Variants in PBX1 observed in about 807,000 individuals in gnomAD.
PBX1 encodes the protein pre-B-cell leukemia transcription factor 1.
In PBX1, 6 loss-of-function variants were observed where a neutral mutation model predicts 53.4. The observed-to-expected ratio is 0.11, with a 90% CI of 0.06 to 0.22. The LOEUF (loss-of-function observed/expected upper bound fraction) is 0.22, where lower values mean the gene tolerates loss of function less well. Among genes scored for constraint, PBX1 ranks in the 10% least tolerant of loss-of-function variants. The probability of loss-of-function intolerance (pLI) is 1.00; values close to 1 mark genes in which losing one functional copy is unlikely to be tolerated. For synonymous variants in PBX1, 204 were observed against 212.3 expected (o/e 0.96, Z 0.34); for missense variants, 251 against 551.4 (o/e 0.46, Z 5.46).
At chr1:164,672,209 G>A (rs1195225409) in intron 2 of PBX1, among the ~76,000 whole-genome samples, 1 of 151,864 alleles carries the variant, frequency 6.6e-6, no homozygotes, top group Non-Finnish European at 1.5e-5. Flanking sequence ...ACCAGAGAGG[G>A]CCACTGCATG....
At chr1:164,866,493 A>G (rs1672221834) in intron 2 of PBX1, among the ~76,000 whole-genome samples, 1 of 152,254 alleles carries the variant, frequency 6.6e-6, no homozygotes, top group African/African-American at 2.4e-5. Flanking sequence ...TGTGCCAAGA[A>G]GCCATCCTTG....
At chr1:164,725,012 T>A (rs1480622612) in intron 2 of PBX1, among the ~76,000 whole-genome samples, 1 of 152,034 alleles carries the variant, frequency 6.6e-6, no homozygotes, top group East Asian at 1.9e-4. Context: ...ATGGATGCTG[T>A]GGTATCATAG....
chr1:164,669,526 A>C (rs772384090), intron 2 of PBX1, among the ~76,000 whole-genome samples: 1 of 152,052 alleles, frequency 6.6e-6, no homozygotes, highest in Non-Finnish European at 1.5e-5. Flanking sequence ...TTTTCCTTCT[A>C]CTTCCAGGAA....
chr1:164,675,319 T>A (rs1661371076), intron 2 of PBX1, among the ~76,000 whole-genome samples: 1 of 152,228 alleles, frequency 6.6e-6, no homozygotes, highest in Non-Finnish European at 1.5e-5. Flanking sequence ...TGTCTTTCCC[T>A]TACCATTCAC....
chr1:164,576,701 A>G (rs1272988713), intron 2 of PBX1: 1 of 152,198 alleles, frequency 6.6e-6, no homozygotes, highest in East Asian at 1.9e-4. Flanking sequence ...CTCTTCTCCC[A>G]AAGGGTGGTA....
intron 5 of PBX1, among the ~76,000 whole-genome samples, chr1:164,811,167 G>A (rs757315435): frequency 5.9e-5 from 9 of 152,002 alleles, no homozygotes; most frequent in East Asian, 1.9e-4. Context: ...TTCCTTCCCC[G>A]GGCAGGAATT....
intron 2 of PBX1, among the ~76,000 whole-genome samples, chr1:164,616,358 G>A (rs1240362915): frequency 6.6e-6 from 1 of 152,116 alleles, no homozygotes; most frequent in Admixed American, 6.5e-5. Flanking sequence ...CTCCTGTGAC[G>A]AGGGGTGGGA....
intron 2 of PBX1, among the ~76,000 whole-genome samples, chr1:164,635,773 G>T (rs575739782): frequency 6.6e-6 from 1 of 152,160 alleles, no homozygotes; most frequent in African/African-American, 2.4e-5. Context: ...CGTAGAGACC[G>T]GTGTCTCCTA....
Position 164,849,511 on chromosome 1 carries a change from C to G in PBX1, c.*2835C>G. Reference sequence around the variant, plus strand: ...TCCTGGGAATTCACATGAGGCCAGTCCTACAGAGAGCAAGATGCACCCCAG... The same window carrying G: ...TCCTGGGAATTCACATGAGGCCAGTGCTACAGAGAGCAAGATGCACCCCAG... On this transcript the variant is annotated 3_prime_UTR_variant, in exon 9 of 9. Coordinates refer to ENST00000420696, the MANE Select transcript of PBX1 (RefSeq NM_002585.4). The G allele has an allele frequency of 1.4e-5, 21 of 1,467,702 alleles. No individual in the cohort carries two copies. Among genetic ancestry groups the G allele is most frequent in the Non-Finnish European group, 1.9e-5 (21 of 1,092,626 alleles). 90.9% of individuals were successfully genotyped at this position (1,467,702 alleles called of 1,614,324 possible).
Position 164,560,026 on chromosome 1 carries a change from CTTTTCT to C in PBX1, c.191+17_191+22del, listed in dbSNP as rs1373611885. 2 of 1,348,540 alleles carry C rather than the reference CTTTTCT, an allele frequency of 1.5e-6. No individual in the cohort carries two copies. The highest frequency in any genetic ancestry group is 3.1e-5 in the East Asian group (1 of 32,406). 83.5% of individuals were successfully genotyped at this position (1,348,540 alleles called of 1,614,324 possible). On this transcript the variant is annotated intron_variant, in intron 1 of 8. Coordinates refer to ENST00000420696, the MANE Select transcript of PBX1 (RefSeq NM_002585.4). ...AGGCGCAGGCCAGGTGAGATGGAGG[CTTTTCT>C]TTTCCTTTCTTGGGGTTTTTTGTTT... is the stretch of plus-strand genomic sequence containing the variant.
At chr1:164,862,001 T>C (rs1303645124) in intron 2 of PBX1, among the ~76,000 whole-genome samples, 1 of 152,168 alleles carries the variant, frequency 6.6e-6, no homozygotes, top group African/African-American at 2.4e-5. Flanking sequence ...GTAACAACTT[T>C]AGCTATTCTT....
At chr1:164,652,744 G>A (rs1362460547) in intron 2 of PBX1, among the ~76,000 whole-genome samples, 1 of 152,226 alleles carries the variant, frequency 6.6e-6, no homozygotes, top group East Asian at 1.9e-4. Flanking sequence ...ACAGTTTGAA[G>A]TGTTTTGACA....
chr1:164,736,169 C>T (rs374438110), intron 2 of PBX1, among the ~76,000 whole-genome samples: 1 of 152,198 alleles, frequency 6.6e-6, no homozygotes, highest in Admixed American at 6.5e-5. Flanking sequence ...CCTCCCTTCA[C>T]CCTGACTACT....
At chr1:164,624,196 A>ATTCT (rs1314576818) in intron 2 of PBX1, among the ~76,000 whole-genome samples, 2 of 152,278 alleles carry the variant, frequency 1.3e-5, no homozygotes, top group African/African-American at 2.4e-5. Flanking sequence ...CTTTGTTAGA[A>ATTCT]ATGTTATTTT....
intron 2 of PBX1, among the ~76,000 whole-genome samples, chr1:164,701,138 A>AT (rs376893288): frequency 3.4e-4 from 51 of 151,658 alleles, no homozygotes; most frequent in Non-Finnish European, 5.9e-4. Context: ...GCCTTTTTGC[A>AT]TTTTTTTTTC....
At chr1:164,823,256 T>C (rs1267396638) in intron 8 of PBX1, among the ~76,000 whole-genome samples, 1 of 152,176 alleles carries the variant, frequency 6.6e-6, no homozygotes, top group Non-Finnish European at 1.5e-5. Flanking sequence ...CTGGGAAGAC[T>C]GCTTGGAAAA....
rs571599502 is a variant in PBX1, at chr1:164,559,542, T to A, written c.-281T>A. 2.7e-6 allele frequency: 1 copy of A among 367,652 alleles called. No homozygotes were observed. The highest frequency in any genetic ancestry group is 1.0e-4 in the South Asian group (1 of 9,560). The allele number at this position is 367,652 out of a possible 1,614,324, so 22.8% of individuals were successfully genotyped here. A position where few individuals can be genotyped will look rare whatever the true frequency, so the allele number is the denominator to read the frequency against. On this transcript the variant is annotated 5_prime_UTR_variant, in exon 1 of 9. Transcript: ENST00000420696. ...GCCAAGTGGGAAGGTGGTTTATTTTTCTTGCTTTTTGGAGTCAACACCCTT... is the reference window on the plus strand; with the variant it reads ...GCCAAGTGGGAAGGTGGTTTATTTTACTTGCTTTTTGGAGTCAACACCCTT...
intron 2 of PBX1, among the ~76,000 whole-genome samples, chr1:164,858,354 G>C (rs1672021161): frequency 6.6e-6 from 1 of 151,902 alleles, no homozygotes. Flanking sequence ...CTGCACCTCA[G>C]CTCAAGAGTA....
intron 2 of PBX1, among the ~76,000 whole-genome samples, chr1:164,567,451 T>G (rs71628341): frequency 3.7e-3 from 555 of 151,788 alleles, no homozygotes; most frequent in Non-Finnish European, 5.7e-3. Context: ...TTTTTTTTTC[T>G]CCCTCCTGGT....
Sources: gnomAD v4.1 joint callset for allele counts (sites outside exome capture counted in the v4.1 genomes callset) on GRCh38, gnomAD v4.1.1 for gene constraint, MANE v1.5 for transcripts, NCBI Gene and HGNC (gene_info 2026-07-23, HGNC 2026-07-21) for gene names.